CLUAP1: variants seen among roughly 807,000 people sequenced by gnomAD.
CLUAP1 encodes intraflagellar transport 38, also known as clusterin-associated protein 1.
In CLUAP1, 50 loss-of-function variants were observed where a neutral mutation model predicts 55.0. The ratio of observed to expected loss-of-function variants is 0.91; its 90% CI spans 0.72 to 1.15. The LOEUF (loss-of-function observed/expected upper bound fraction) is 1.15. Ranked by LOEUF, CLUAP1 falls within the 50% of genes most tolerant of loss-of-function variation. The probability of loss-of-function intolerance (pLI) is 0.00; values close to 1 mark genes in which losing one functional copy is unlikely to be tolerated. For synonymous variants in CLUAP1, 195 were observed against 175.4 expected, an observed-to-expected ratio of 1.11 and a Z score of -0.88; for missense variants, 530 against 507.6, an observed-to-expected ratio of 1.04 and a Z score of -0.42.
chr16:3,495,543 G>A, the CLUAP1 span: 2 of 1,514,308 alleles, frequency 1.3e-6, no homozygotes, highest in African/African-American at 1.4e-5. Flanking sequence ...ACATCACGGG[G>A]AAGACTCCCA....
intron 7 of CLUAP1, among the ~76,000 whole-genome samples, 199 bp downstream of exon 7, chr16:3,520,235 G>A (rs2037807973): frequency 6.6e-6 from 1 of 151,942 alleles, no homozygotes; most frequent in Admixed American, 6.6e-5. Context: ...ACCTCAGTAT[G>A]GTGATACACA....
Position 3,536,421 on chromosome 16 carries a change from C to A in CLUAP1, c.*150C>A. 1.4e-6 allele frequency: 1 copy of A among 711,952 alleles called. No individual in the cohort carries two copies. Among genetic ancestry groups the A allele is most frequent in the East Asian group, 2.7e-5 (1 of 36,794 alleles). 44.1% of individuals were successfully genotyped at this position (711,952 alleles called of 1,614,324 possible). On this transcript the variant is annotated 3_prime_UTR_variant, in exon 12 of 12. Transcript: ENST00000576634. The stretch of plus-strand genomic sequence containing the variant: ...CAATACTTATTTCTGCTTTAGCCTC[C>A]TATGTTTGCATTCCATGAAGCTTAA...
chr16:3,505,242 A>G (rs1474156577), intron 2 of CLUAP1, among the ~76,000 whole-genome samples: 3 of 152,104 alleles, frequency 2.0e-5, no homozygotes, highest in African/African-American at 7.2e-5. Context: ...CTCAAAAAAC[A>G]AAATCAGGCC....
At chr16:3,523,618 A>T (rs972884823) in intron 8 of CLUAP1, among the ~76,000 whole-genome samples, 5 of 152,220 alleles carry the variant, frequency 3.3e-5, no homozygotes, top group Admixed American at 3.3e-4. Context: ...CCCTGTTGTC[A>T]CTGTCTTGAA....
chr16:3,500,977 C>G (rs2301762), upstream of CLUAP1: 80,123 of 1,326,848 alleles, frequency 0.06, 2,964 homozygotes, highest in East Asian at 0.17. Context: ...TCCAAGGGTC[C>G]ATTGGTTGCC....
At chr16:3,523,381 A>G in intron 8 of CLUAP1, 82 bp downstream of exon 8, 1 of 1,444,312 alleles carries the variant, frequency 6.9e-7, no homozygotes, top group Non-Finnish European at 9.2e-7. Context: ...TGTTAATATC[A>G]TTGTGAAAAA....
chr16:3,531,362 T>TA (rs890099287), intron 10 of CLUAP1, among the ~76,000 whole-genome samples: 13 of 148,254 alleles, frequency 8.8e-5, no homozygotes, highest in African/African-American at 2.7e-4. Flanking sequence ...CTACTAAAAA[T>TA]AAAAAAAAAA....
intron 4 of CLUAP1, among the ~76,000 whole-genome samples, chr16:3,511,476 C>G (rs2037623685): frequency 6.6e-6 from 1 of 152,160 alleles, no homozygotes; most frequent in Admixed American, 6.5e-5. Flanking sequence ...GGGTGCCACC[C>G]GATTTGCGCC....
At chr16:3,529,747 T>TATA (rs2038062455) in intron 9 of CLUAP1, among the ~76,000 whole-genome samples, 9 of 44,616 alleles carry the variant, frequency 2.0e-4, no homozygotes, top group African/African-American at 8.5e-4. Flanking sequence ...TTATATATTA[T>TATA]ATATTATATA....
chr16:3,508,935 C>T (rs755786824), intron 4 of CLUAP1, among the ~76,000 whole-genome samples: 29 of 139,588 alleles, frequency 2.1e-4, no homozygotes, highest in African/African-American at 3.8e-4. Context: ...GTGCGGGTGG[C>T]GGGTGGCGTC....
At chr16:3,505,714 G>C (rs1020626713) in intron 2 of CLUAP1, among the ~76,000 whole-genome samples, 33 of 152,290 alleles carry the variant, frequency 2.2e-4, no homozygotes, top group Admixed American at 1.8e-3. Flanking sequence ...TGCACATTCT[G>C]ATCAGTACAC....
intron 4 of CLUAP1, among the ~76,000 whole-genome samples, chr16:3,511,710 T>G (rs968015385): frequency 1.3e-5 from 2 of 152,144 alleles, no homozygotes; most frequent in Non-Finnish European, 2.9e-5. Flanking sequence ...TGAGGTGACA[T>G]TAGGTTTTTT....
intron 1 of CLUAP1, among the ~76,000 whole-genome samples, chr16:3,503,204 C>G (rs2037440930): frequency 6.6e-6 from 1 of 152,058 alleles, no homozygotes; most frequent in Non-Finnish European, 1.5e-5. Flanking sequence ...CGCTCTGTCA[C>G]CCAGGCTGGA....
intron 7 of CLUAP1, among the ~76,000 whole-genome samples, chr16:3,522,816 CTATATT>C (rs143280799): frequency 0.031 from 4,760 of 151,992 alleles, 215 homozygotes; most frequent in African/African-American, 0.1. Context: ...GCATTCCTAT[CTATATT>C]TATGCATAGA....
In CLUAP1 at chr16:3,536,411, C is replaced by A; in HGVS notation, c.*140C>A. 1.3e-6 allele frequency: 1 copy of A among 780,378 alleles called. No homozygotes were observed. Among genetic ancestry groups the A allele is most frequent in the Non-Finnish European group, 2.0e-6 (1 of 500,372 alleles). The allele number at this position is 780,378 out of a possible 1,614,324, so 48.3% of individuals were successfully genotyped here. A position where few individuals can be genotyped will look rare whatever the true frequency, so the allele number is the denominator to read the frequency against. ...ATCACTGAAGCAATACTTATTTCTG[C>A]TTTAGCCTCCTATGTTTGCATTCCA... On this transcript the variant is annotated 3_prime_UTR_variant, in exon 12 of 12. Transcript: ENST00000576634.
At chr16:3,524,993 AG>A (rs2037913917) in intron 8 of CLUAP1, among the ~76,000 whole-genome samples, 1 of 152,172 alleles carries the variant, frequency 6.6e-6, no homozygotes, top group African/African-American at 2.4e-5. Flanking sequence ...AGGTTATGCT[AG>A]GCTTCTTACA....
chr16:3,496,925 C>T (rs564225634), upstream of CLUAP1, among the ~76,000 whole-genome samples: 140 of 148,394 alleles, frequency 9.4e-4, 1 homozygote, highest in Middle Eastern at 6.9e-3. Context: ...GGCTGGAGTG[C>T]AGTGGCGCGA....
At chr16:3,519,442 A>G (rs1159366847) in intron 6 of CLUAP1, among the ~76,000 whole-genome samples, 1 of 152,224 alleles carries the variant, frequency 6.6e-6, no homozygotes, top group South Asian at 2.1e-4. Flanking sequence ...GGCTGGGACC[A>G]GCTGTTTCTT....
chr16:3,520,349 G>A (rs1442897544), intron 7 of CLUAP1, among the ~76,000 whole-genome samples: 1 of 151,940 alleles, frequency 6.6e-6, no homozygotes, highest in Non-Finnish European at 1.5e-5. Context: ...TCCAGCCTGA[G>A]CCACAGAACA....
Sources: gnomAD v4.1 joint callset for allele counts (sites outside exome capture counted in the v4.1 genomes callset) on GRCh38, gnomAD v4.1.1 for gene constraint, MANE v1.5 for transcripts, NCBI Gene and HGNC (gene_info 2026-07-23, HGNC 2026-07-21) for gene names.